Variants in DNAJC5B observed in about 807,000 individuals in gnomAD.
DNAJC5B encodes DnaJ heat shock protein family (Hsp40) member C5 beta.
DNAJC5B carries 23 observed loss-of-function variants against 24.7 expected under a neutral mutation model. That is an observed-to-expected ratio of 0.93 (90% CI 0.67 to 1.32). The LOEUF is 1.32. Among genes scored for constraint, DNAJC5B ranks in the 40% most tolerant of loss-of-function variants. The pLI, the probability that DNAJC5B is intolerant of heterozygous loss-of-function variation, is 0.00. For missense variants in DNAJC5B, 238 were observed against 240.8 expected, an observed-to-expected ratio of 0.99 and a Z score of 0.08; for synonymous variants, 101 against 90.1, an observed-to-expected ratio of 1.12 and a Z score of -0.68.
intron 1 of DNAJC5B, among the ~76,000 whole-genome samples, chr8:66,027,218 G>T (rs1386726771): frequency 1.3e-5 from 2 of 152,162 alleles, no homozygotes; most frequent in African/African-American, 4.8e-5. Flanking sequence ...GGCACTGGTG[G>T]CAGGACAGCC....
intron 1 of DNAJC5B, among the ~76,000 whole-genome samples, chr8:66,043,281 C>T (rs1203083277): frequency 1.3e-5 from 2 of 152,184 alleles, no homozygotes. Flanking sequence ...ACCCACTTCA[C>T]ATGTAAGGAG....
rs189325412 is a variant in DNAJC5B, at chr8:66,087,436, A to T, written c.505+6888A>T. ...CTGCCCCTGGCCCATCCCAAACCTC[A>T]TGTCCTTTTCACATTTCGAAACCAA... is the stretch of plus-strand genomic sequence containing the variant. On this transcript the variant is annotated intron_variant, in intron 5 of 5. Transcript: ENST00000276570. Among the ~76,000 whole-genome samples, 162 of 152,168 alleles carry T rather than the reference A, an allele frequency of 1.1e-3. 1 individual carries two copies. Among genetic ancestry groups the T allele is most frequent in the African/African-American group, 3.8e-3 (156 of 41,526 alleles).
At chr8:66,099,843 A>C (rs1263200540) in intron 5 of DNAJC5B, 94 bp from the exon 6 acceptor site, 7 of 1,041,706 alleles carry the variant, frequency 6.7e-6, no homozygotes, top group Non-Finnish European at 8.6e-6. Flanking sequence ...TTGATTTGCC[A>C]GTCATGAATT....
chr8:66,026,304 C>T (rs1806242318), intron 1 of DNAJC5B, among the ~76,000 whole-genome samples: 1 of 151,878 alleles, frequency 6.6e-6, no homozygotes, highest in African/African-American at 2.4e-5. Flanking sequence ...AGTTGCTTAT[C>T]AGCTTAAGGA....
intron 1 of DNAJC5B, among the ~76,000 whole-genome samples, chr8:66,032,862 C>T (rs1004847899): frequency 2.0e-5 from 3 of 152,200 alleles, no homozygotes; most frequent in Non-Finnish European, 2.9e-5. Context: ...CTATGAGCCC[C>T]TAAATAAATC....
At chr8:66,030,886 C>G (rs1334248851) in intron 1 of DNAJC5B, among the ~76,000 whole-genome samples, 1 of 152,180 alleles carries the variant, frequency 6.6e-6, no homozygotes, top group Non-Finnish European at 1.5e-5. Flanking sequence ...ATCTGCCTAC[C>G]TCGTCCTCCC....
At chr8:66,068,830 C>A (rs1236925236) in intron 3 of DNAJC5B, among the ~76,000 whole-genome samples, 5 of 152,042 alleles carry the variant, frequency 3.3e-5, no homozygotes, top group Non-Finnish European at 5.9e-5. Context: ...GCCTTTATAG[C>A]AACCAGAGGA....
intron 1 of DNAJC5B, among the ~76,000 whole-genome samples, chr8:66,038,437 G>T (rs1806535260): frequency 6.6e-6 from 1 of 152,152 alleles, no homozygotes; most frequent in South Asian, 2.1e-4. Flanking sequence ...ATATCTTCAG[G>T]CCTATGCTTT....
rs573468556 is a variant in DNAJC5B, at chr8:66,099,237, A to G, written c.506-700A>G. ...CTAAATTATCATCTTGAGGTTTCTC[A>G]GAACACAGAGGTATTGAAAACTTGG... On this transcript the variant is annotated intron_variant, in intron 5 of 5. Transcript: ENST00000276570. 7.6e-4 allele frequency among the ~76,000 whole-genome samples: 116 copies of G among 152,074 alleles called. 1 individual carries two copies. Among genetic ancestry groups the G allele is most frequent in the African/African-American group, 2.6e-3 (107 of 41,584 alleles).
chr8:66,043,853 G>A (rs1347480233), intron 2 of DNAJC5B, among the ~76,000 whole-genome samples: 1 of 149,622 alleles, frequency 6.7e-6, no homozygotes, highest in Admixed American at 6.7e-5. Flanking sequence ...TTGAGATGGG[G>A]TCTCACTCTG....
intron 1 of DNAJC5B, among the ~76,000 whole-genome samples, chr8:66,037,820 TC>T (rs1337711007): frequency 1.3e-5 from 2 of 152,162 alleles, no homozygotes; most frequent in East Asian, 3.8e-4. Flanking sequence ...AGAGAAAACT[TC>T]AACAAAATGA....
intron 3 of DNAJC5B, among the ~76,000 whole-genome samples, chr8:66,072,088 T>C (rs1355871592): frequency 2.0e-5 from 3 of 151,738 alleles, no homozygotes; most frequent in Non-Finnish European, 4.4e-5. Flanking sequence ...TTAGGAGAAA[T>C]GTTTAATGTA....
intron 5 of DNAJC5B, among the ~76,000 whole-genome samples, chr8:66,090,273 G>C (rs983384683): frequency 1.3e-5 from 2 of 151,640 alleles, no homozygotes; most frequent in Non-Finnish European, 2.9e-5. Context: ...GTGTGTGTGT[G>C]TGTGTGTGGT....
At chr8:66,084,909 T>C (rs1388879472) in intron 5 of DNAJC5B, among the ~76,000 whole-genome samples, 1 of 152,202 alleles carries the variant, frequency 6.6e-6, no homozygotes, top group East Asian at 1.9e-4. Context: ...ATAAAGACTT[T>C]CTCCAATGTT....
intron 5 of DNAJC5B, among the ~76,000 whole-genome samples, chr8:66,093,118 C>T (rs1807881090): frequency 6.6e-6 from 1 of 152,058 alleles, no homozygotes; most frequent in South Asian, 2.1e-4. Context: ...GGAGAACATC[C>T]CATAATTTAC....
At chr8:66,033,876 A>G (rs1806415786) in intron 1 of DNAJC5B, among the ~76,000 whole-genome samples, 1 of 149,746 alleles carries the variant, frequency 6.7e-6, no homozygotes, top group Admixed American at 6.7e-5. Context: ...CTAGAGGTGG[A>G]AAGAGAATTT....
At chr8:66,098,883 TAA>T (rs1485754843) in intron 5 of DNAJC5B, among the ~76,000 whole-genome samples, 1 of 152,186 alleles carries the variant, frequency 6.6e-6, no homozygotes, top group African/African-American at 2.4e-5. Flanking sequence ...CTGTGTCTGA[TAA>T]AAGCAGTTAT....
At chr8:66,066,591 G>C (rs528864387) in intron 3 of DNAJC5B, among the ~76,000 whole-genome samples, 6 of 152,258 alleles carry the variant, frequency 3.9e-5, no homozygotes, top group African/African-American at 1.4e-4. Flanking sequence ...AACTTGGATG[G>C]AGCTGGAGGC....
At chr8:66,020,601 TG>T (rs1806089476), upstream of DNAJC5B, among the ~76,000 whole-genome samples, 1 of 9,246 alleles carries the variant, frequency 1.1e-4, no homozygotes, top group Non-Finnish European at 2.2e-4. Flanking sequence ...ACTCTGTGTG[TG>T]TGTGTGTGTG....
Sources: allele counts gnomAD v4.1 joint callset (sites outside exome capture counted in the v4.1 genomes callset), GRCh38; gene constraint gnomAD v4.1.1; transcripts MANE v1.5; gene names NCBI Gene and HGNC (gene_info 2026-07-23, HGNC 2026-07-21).